The following C12orf42 variants were observed in gnomAD, a reference collection of about 807,000 sequenced individuals.
C12orf42 encodes uncharacterized protein C12orf42.
A neutral mutation model predicts 21.6 loss-of-function variants in C12orf42; 25 were observed. The ratio of observed to expected loss-of-function variants is 1.16; its 90% CI spans 0.84 to 1.62. The LOEUF (loss-of-function observed/expected upper bound fraction) is 1.62, where lower values mean the gene tolerates loss of function less well. Among genes scored for constraint, C12orf42 ranks in the 40% most tolerant of loss-of-function variants. The pLI is 0.00. For synonymous variants in C12orf42, 174 were observed against 175.0 expected (o/e 0.99, Z 0.05); for missense variants, 483 against 459.3 (o/e 1.05, Z -0.47).
chr12:103,555,389 C>G, the C12orf42 span, among the ~76,000 whole-genome samples: 13 of 152,252 alleles, frequency 8.5e-5, no homozygotes, highest in South Asian at 2.7e-3. Flanking sequence ...ATCACGAGAA[C>G]AGCATGGGAA....
At chr12:103,048,503 C>A in the C12orf42 span, among the ~76,000 whole-genome samples, 2 of 152,052 alleles carry the variant, frequency 1.3e-5, no homozygotes, top group African/African-American at 4.8e-5. Flanking sequence ...AGAGTCAAAA[C>A]CTGGGGCATG....
the C12orf42 span, among the ~76,000 whole-genome samples, chr12:103,117,181 CCTT>C: frequency 6.6e-6 from 1 of 152,314 alleles, no homozygotes; most frequent in South Asian, 2.1e-4. Context: ...AACAAAATCT[CCTT>C]ATCTCTCCTT....
the C12orf42 span, among the ~76,000 whole-genome samples, chr12:103,144,667 A>G: frequency 6.6e-6 from 1 of 152,096 alleles, no homozygotes; most frequent in Non-Finnish European, 1.5e-5. Context: ...GAAGCTTTTT[A>G]TGGGTGATAT....
chr12:103,420,902 A>T (rs530639041), intron 2 of C12orf42, among the ~76,000 whole-genome samples: 1 of 152,362 alleles, frequency 6.6e-6, no homozygotes, highest in African/African-American at 2.4e-5. Context: ...CCAGCAAAAT[A>T]GCGTTAATTC....
chr12:103,544,870 G>C, the C12orf42 span, among the ~76,000 whole-genome samples: 5 of 152,006 alleles, frequency 3.3e-5, no homozygotes, highest in African/African-American at 1.2e-4. Flanking sequence ...TGCTAGGAGG[G>C]GTGGACAGCT....
the C12orf42 span, among the ~76,000 whole-genome samples, chr12:103,065,160 A>T: frequency 6.6e-6 from 1 of 152,242 alleles, no homozygotes; most frequent in Non-Finnish European, 1.5e-5. Flanking sequence ...GATTTGAAAG[A>T]CACAGAGGTG....
downstream of C12orf42, among the ~76,000 whole-genome samples, chr12:103,235,647 C>T (rs1233379491): frequency 6.6e-6 from 1 of 152,142 alleles, no homozygotes; most frequent in Non-Finnish European, 1.5e-5. Context: ...ACTTATTCAT[C>T]TCTAAGTGGC....
the C12orf42 span, among the ~76,000 whole-genome samples, chr12:103,221,911 T>A: frequency 6.6e-6 from 1 of 152,164 alleles, no homozygotes; most frequent in Non-Finnish European, 1.5e-5. Context: ...TTCATTGAAC[T>A]CCCTGTGTCA....
In C12orf42 at chr12:103,377,313, T is replaced by C. The variant is rs149347847; in HGVS notation, c.148-8315A>G. On this transcript the variant is annotated intron_variant, in intron 3 of 5. Coordinates refer to ENST00000548883, the MANE Select transcript of C12orf42 (RefSeq NM_198521.5). ...CTTGACTGTCATTCATATTTAACAATAAGGCACTGAAAGGCTGACTGCAGC... is the reference window on the plus strand; with the variant it reads ...CTTGACTGTCATTCATATTTAACAACAAGGCACTGAAAGGCTGACTGCAGC... Among the ~76,000 whole-genome samples the C allele has an allele frequency of 3.3e-3, 506 of 152,132 alleles. 3 individuals are homozygous for C. Among genetic ancestry groups the C allele is most frequent in the Middle Eastern group, 6.8e-3 (2 of 294 alleles).
chr12:103,560,592 T>A, the C12orf42 span, among the ~76,000 whole-genome samples: 2 of 152,236 alleles, frequency 1.3e-5, no homozygotes, highest in Admixed American at 6.5e-5. Flanking sequence ...ATAGCTTTCA[T>A]TAAATTCTCA....
At chr12:103,257,789 G>T (rs182748450) in intron 10 of C12orf42, among the ~76,000 whole-genome samples, 1 of 151,046 alleles carries the variant, frequency 6.6e-6, no homozygotes. Flanking sequence ...AGCAAGAAGA[G>T]AACAAAATTA....
exon 7 of C12orf42, chr12:103,268,848 C>A (rs1193342309): frequency 6.6e-6 from 1 of 152,122 alleles, no homozygotes; most frequent in East Asian, 1.9e-4. Flanking sequence ...GTTCTTTTAT[C>A]ATGGATAACT....
At chr12:103,427,297 A>C (rs1261599518) in intron 2 of C12orf42, among the ~76,000 whole-genome samples, 10 of 20,356 alleles carry the variant, frequency 4.9e-4, no homozygotes, top group Admixed American at 2.5e-3. Flanking sequence ...AAAAAAAAGA[A>C]AAAAAAAAAA....
At chr12:103,179,076 T>C in the C12orf42 span, among the ~76,000 whole-genome samples, 1 of 152,230 alleles carries the variant, frequency 6.6e-6, no homozygotes, top group African/African-American at 2.4e-5. Context: ...TTTCTTTCTA[T>C]TTTCTTTCTA....
chr12:103,229,073 A>T, the C12orf42 span, among the ~76,000 whole-genome samples: 2 of 152,172 alleles, frequency 1.3e-5, no homozygotes, highest in African/African-American at 4.8e-5. Flanking sequence ...ATTATTACTC[A>T]TCCTCAACAA....
chr12:103,341,431 GA>G (rs2042165655), intron 4 of C12orf42, among the ~76,000 whole-genome samples: 1 of 152,096 alleles, frequency 6.6e-6, no homozygotes, highest in Admixed American at 6.6e-5. Context: ...GGTCACAAAA[GA>G]GAGAGTTAAA....
intron 4 of C12orf42, chr12:103,368,042 T>C (rs2044782525): frequency 3.9e-6 from 5 of 1,277,754 alleles, no homozygotes; most frequent in South Asian, 3.8e-5. Flanking sequence ...AAAACTTCAT[T>C]ATCTCTTAGG....
At chr12:103,331,696 G>A (rs1295223838) in intron 4 of C12orf42, among the ~76,000 whole-genome samples, 1 of 152,164 alleles carries the variant, frequency 6.6e-6, no homozygotes, top group East Asian at 1.9e-4. Context: ...TAGAGACAAT[G>A]CAAAATTGAA....
At chr12:103,070,888 G>A in the C12orf42 span, among the ~76,000 whole-genome samples, 5 of 152,166 alleles carry the variant, frequency 3.3e-5, no homozygotes, top group African/African-American at 1.2e-4. Context: ...CTTCAAGAAA[G>A]AGAATTGTTA....
Sources: allele counts gnomAD v4.1 joint callset (sites outside exome capture counted in the v4.1 genomes callset), GRCh38; gene constraint gnomAD v4.1.1; transcripts MANE v1.5; gene names NCBI Gene and HGNC (gene_info 2026-07-23, HGNC 2026-07-21).